SHOC2: variants seen among roughly 807,000 people sequenced by gnomAD.
SHOC2 encodes leucine-rich repeat protein SHOC-2.
In SHOC2, 4 loss-of-function variants were observed where a neutral mutation model predicts 50.2. The observed-to-expected ratio is 0.08, with a 90% confidence interval of 0.04 to 0.18. SHOC2 has a LOEUF of 0.18. Among genes scored for constraint, SHOC2 ranks in the 10% least tolerant of loss-of-function variants. The pLI is 1.00. For missense variants in SHOC2, 388 were observed against 669.6 expected (o/e 0.58, Z 4.64); for synonymous variants, 218 against 244.5 (o/e 0.89, Z 1.01).
intron 3 of SHOC2, among the ~76,000 whole-genome samples, chr10:110,997,251 T>C (rs1318479986): frequency 2.6e-5 from 4 of 152,156 alleles, no homozygotes; most frequent in African/African-American, 9.7e-5. Flanking sequence ...ATGTAAAATA[T>C]TCATCCAAAA....
chr10:110,979,316 G>A (rs1238772884), intron 2 of SHOC2, among the ~76,000 whole-genome samples: 1 of 152,226 alleles, frequency 6.6e-6, no homozygotes, highest in African/African-American at 2.4e-5. Context: ...TCAATAAAGT[G>A]CTAGCAAGGT....
At chr10:111,001,060 C>CT (rs11379744) in intron 4 of SHOC2, among the ~76,000 whole-genome samples, 111,325 of 145,122 alleles carry the variant, frequency 0.77, 42,964 homozygotes, top group East Asian at 0.94. Flanking sequence ...TCGCCAGAAT[C>CT]TTTTTTTTTT....
chr10:110,978,866 T>C (rs2134139340), intron 2 of SHOC2, among the ~76,000 whole-genome samples: 1 of 152,378 alleles, frequency 6.6e-6, no homozygotes, highest in South Asian at 2.1e-4. Context: ...AGATTTACTT[T>C]TCACCTGCAG....
chr10:110,973,384 A>G (rs1847818610), intron 2 of SHOC2, among the ~76,000 whole-genome samples: 1 of 152,252 alleles, frequency 6.6e-6, no homozygotes, highest in South Asian at 2.1e-4. Context: ...ATTGCCTACT[A>G]GGTACATTTT....
At chr10:110,955,207 G>GT (rs1490886213) in intron 1 of SHOC2, among the ~76,000 whole-genome samples, 1 of 152,146 alleles carries the variant, frequency 6.6e-6, no homozygotes, top group Non-Finnish European at 1.5e-5. Flanking sequence ...AGGAGACAAG[G>GT]TAGTTCAAGA....
At chr10:110,992,204 G>T (rs1590825202) in intron 3 of SHOC2, among the ~76,000 whole-genome samples, 1 of 152,000 alleles carries the variant, frequency 6.6e-6, no homozygotes, top group African/African-American at 2.4e-5. Context: ...AGCTAGTATC[G>T]CTGACAACTC....
At chr10:110,937,781 A>C (rs1279608766) in intron 1 of SHOC2, among the ~76,000 whole-genome samples, 1 of 152,214 alleles carries the variant, frequency 6.6e-6, no homozygotes, top group Non-Finnish European at 1.5e-5. Flanking sequence ...AATTTAACAT[A>C]TGAGTTTGAT....
At chr10:110,948,545 A>G (rs555872918) in intron 1 of SHOC2, among the ~76,000 whole-genome samples, 2 of 152,324 alleles carry the variant, frequency 1.3e-5, no homozygotes, top group East Asian at 1.9e-4. Context: ...TTTTGTAAGC[A>G]TAAGAGTATG....
At chr10:110,958,995 A>T (rs2134114465) in intron 1 of SHOC2, among the ~76,000 whole-genome samples, 1 of 152,338 alleles carries the variant, frequency 6.6e-6, no homozygotes, top group South Asian at 2.1e-4. Flanking sequence ...CATTATTTTT[A>T]AAAATCTATG....
At chr10:110,961,686 A>T (rs1564713572) in intron 1 of SHOC2, among the ~76,000 whole-genome samples, 1 of 152,114 alleles carries the variant, frequency 6.6e-6, no homozygotes, top group South Asian at 2.1e-4. Flanking sequence ...ACTGCAGTAA[A>T]CCCATCAGAC....
intron 5 of SHOC2, among the ~76,000 whole-genome samples, chr10:111,006,903 A>G (rs1848479126): frequency 6.6e-6 from 1 of 152,196 alleles, no homozygotes; most frequent in Admixed American, 6.5e-5. Flanking sequence ...TGTGGACAGC[A>G]TTGTCTAATT....
intron 1 of SHOC2, among the ~76,000 whole-genome samples, chr10:110,955,838 C>A (rs1847450951): frequency 6.6e-6 from 1 of 152,052 alleles, no homozygotes; most frequent in Non-Finnish European, 1.5e-5. Context: ...AATGTTCATT[C>A]AACACTGAAC....
In SHOC2 at chr10:111,013,438, G is replaced by A. The variant is rs865926990; in HGVS notation, c.*1620G>A. 1.3e-5 allele frequency: 2 copies of A among 151,820 alleles called. No individual in the cohort carries two copies. The highest frequency in any genetic ancestry group is 6.6e-5 in the Admixed American group (1 of 15,234). 9.4% of individuals were successfully genotyped at this position (151,820 alleles called of 1,614,324 possible). A position where few individuals can be genotyped will look rare whatever the true frequency, so the allele number is the denominator to read the frequency against. ...GGCACTCAAATTCATGACTAGTTTT[G>A]AGGTCAAACCTATGTTCGTAATGAG... On this transcript the variant is annotated 3_prime_UTR_variant, in exon 9 of 9. Coordinates refer to ENST00000369452, the MANE Select transcript of SHOC2 (RefSeq NM_007373.4).
chr10:110,938,223 A>G (rs1190706804), intron 1 of SHOC2, among the ~76,000 whole-genome samples: 2 of 152,158 alleles, frequency 1.3e-5, no homozygotes, highest in African/African-American at 4.8e-5. Flanking sequence ...ACATATTCTT[A>G]TATTCATTTG....
At chr10:110,948,424 A>G (rs1257389425) in intron 1 of SHOC2, among the ~76,000 whole-genome samples, 1 of 152,232 alleles carries the variant, frequency 6.6e-6, no homozygotes, top group Non-Finnish European at 1.5e-5. Flanking sequence ...TCCATTGAAC[A>G]GTAGCAGAAT....
intron 3 of SHOC2, among the ~76,000 whole-genome samples, chr10:110,986,775 C>T (rs1415509496): frequency 6.6e-6 from 1 of 152,126 alleles, no homozygotes; most frequent in Non-Finnish European, 1.5e-5. Flanking sequence ...CGTGCTTGGT[C>T]CAGTCATGAA....
intron 1 of SHOC2, among the ~76,000 whole-genome samples, chr10:110,940,497 C>A (rs1847115109): frequency 6.6e-6 from 1 of 152,122 alleles, no homozygotes; most frequent in African/African-American, 2.4e-5. Context: ...TCTAAATGTT[C>A]AAAGTATAAT....
At chr10:110,975,717 G>C (rs557090538) in intron 2 of SHOC2, among the ~76,000 whole-genome samples, 1 of 152,184 alleles carries the variant, frequency 6.6e-6, no homozygotes, top group South Asian at 2.1e-4. Context: ...CTCATTACTG[G>C]TGATTTTGAC....
In SHOC2 at chr10:110,964,314, A is replaced by T. The variant is rs1358447386; in HGVS notation, c.-45A>T. On this transcript the variant is annotated 5_prime_UTR_variant, in exon 2 of 9. Transcript: ENST00000369452. The surrounding 1 kb of genome is among the most constrained non-coding windows in gnomAD (Gnocchi z 4.9). ...CTTCATCTTTGAATTCAATTACTGG[A>T]AAATAAAAGGAGTTCATGTAGTTTT... is the stretch of plus-strand genomic sequence containing the variant. 9.4e-6 allele frequency: 15 copies of T among 1,596,732 alleles called. No individual in the cohort carries two copies. The highest frequency in any genetic ancestry group is 1.3e-5 in the Non-Finnish European group (15 of 1,171,964).
Sources: gnomAD v4.1 joint callset for allele counts (sites outside exome capture counted in the v4.1 genomes callset) on GRCh38, gnomAD v4.1.1 for gene constraint, Gnocchi (gnomAD v3.1) non-coding constraint, MANE v1.5 for transcripts, NCBI Gene and HGNC (gene_info 2026-07-23, HGNC 2026-07-21) for gene names.